The following RASGRF2 variants were observed in gnomAD, a reference collection of about 807,000 sequenced individuals.
The protein encoded by RASGRF2 is ras-specific guanine nucleotide-releasing factor 2.
RASGRF2 carries 76 observed loss-of-function variants against 151.0 expected under a neutral mutation model. The ratio of observed to expected loss-of-function variants is 0.50; its 90% CI spans 0.42 to 0.61. RASGRF2 has a LOEUF of 0.61. Ranked by LOEUF, RASGRF2 falls within the 20% of genes least tolerant of loss-of-function variation. The pLI is 0.00. For missense variants in RASGRF2, 1,148 were observed against 1,564.6 expected (o/e 0.73, Z 4.49); for synonymous variants, 504 against 566.5 (o/e 0.89, Z 1.57).
At chr5:81,077,089 GA>G (rs1177437822) in intron 5 of RASGRF2, among the ~76,000 whole-genome samples, 1 of 152,198 alleles carries the variant, frequency 6.6e-6, no homozygotes, top group Non-Finnish European at 1.5e-5. Flanking sequence ...GTGCTGGTAT[GA>G]GAGGTTTTTG....
chr5:81,077,019 T>C (rs896427583), intron 5 of RASGRF2, among the ~76,000 whole-genome samples: 2 of 152,136 alleles, frequency 1.3e-5, no homozygotes, highest in East Asian at 1.9e-4. Flanking sequence ...AAGTTGAAGC[T>C]GTATACAAGG....
chr5:80,982,400 C>T (rs1748330623), intron 1 of RASGRF2, among the ~76,000 whole-genome samples: 1 of 151,596 alleles, frequency 6.6e-6, no homozygotes, highest in Admixed American at 6.6e-5. Flanking sequence ...GTTACAGGAA[C>T]ATCTGAAATC....
chr5:80,960,967 C>A lies in RASGRF2; in HGVS notation c.229C>A (p.Pro77Thr). ...GGAGGGCTGCAGCTGCGAACGAACG[C>A]CCGCGCCACCCAGGGCCGGCGCCGG... ...LLEGCSCERT[P>T]APPRAGAGQG... Residue 77 changes from proline to threonine, a missense_variant, in exon 1 of 27, where the codon CCC becomes ACC. By Grantham distance (38) the Pro-to-Thr change is conservative. This residue lies in a region of RASGRF2 where 221 missense variants were observed against 271.3 expected (regional missense o/e 0.81). Transcript: ENST00000265080. This position sits in a 1 kb window ranked among gnomAD's most constrained non-coding sequence, Gnocchi z 5.5. The A allele has an allele frequency of 6.4e-7, 1 of 1,562,704 alleles. No homozygotes were observed. The highest frequency in any genetic ancestry group is 8.7e-7 in the Non-Finnish European group (1 of 1,145,812).
intron 1 of RASGRF2, among the ~76,000 whole-genome samples, chr5:80,978,160 G>T (rs1202064806): frequency 1.3e-5 from 2 of 152,048 alleles, no homozygotes; most frequent in Admixed American, 1.3e-4. Context: ...GAAATACATA[G>T]CTAAATTGAT....
At chr5:81,020,060 A>AT (rs1009445375) in intron 1 of RASGRF2, among the ~76,000 whole-genome samples, 1 of 152,262 alleles carries the variant, frequency 6.6e-6, no homozygotes, top group East Asian at 1.9e-4. Context: ...ACACATTATA[A>AT]TAAAAACCAG....
At chr5:81,197,184 C>T (rs373246170) in intron 18 of RASGRF2, among the ~76,000 whole-genome samples, 32 of 152,066 alleles carry the variant, frequency 2.1e-4, no homozygotes, top group Non-Finnish European at 3.8e-4. Context: ...TGGCCGGGCG[C>T]GGTGGCTCAC....
chr5:80,983,341 GC>G (rs1248526943), intron 1 of RASGRF2, among the ~76,000 whole-genome samples: 4 of 152,218 alleles, frequency 2.6e-5, no homozygotes, highest in African/African-American at 7.2e-5. Context: ...CTCGTCCCTT[GC>G]AGCCACCTGC....
At position 81,019,217 on chromosome 5, in the gene RASGRF2, A is replaced by G. The variant is rs566215591; in HGVS notation, c.289-23660A>G. On this transcript the variant is annotated intron_variant, in intron 1 of 26. Coordinates refer to ENST00000265080, the MANE Select transcript of RASGRF2 (RefSeq NM_006909.3). ...GGACTTCAGAGGACCACTCAATAGC[A>G]TTATTCAAATTTCTGGGGAGTAGGA... 2.0e-3 allele frequency among the ~76,000 whole-genome samples: 300 copies of G among 150,858 alleles called. 2 individuals are homozygous for G. The highest frequency in any genetic ancestry group is 7.0e-3 in the African/African-American group (289 of 41,140).
chr5:81,056,911 T>C (rs1047253524), intron 2 of RASGRF2, among the ~76,000 whole-genome samples: 3 of 152,150 alleles, frequency 2.0e-5, no homozygotes, highest in Admixed American at 2.0e-4. Flanking sequence ...TTGATCTTTG[T>C]TGGTTTAAAG....
intron 17 of RASGRF2, among the ~76,000 whole-genome samples, chr5:81,174,015 C>A (rs555625939): frequency 6.6e-6 from 1 of 152,074 alleles, no homozygotes; most frequent in East Asian, 1.9e-4. Context: ...AAGAATATCT[C>A]GGAGACAATA....
chr5:81,120,652 A>G (rs917744320), intron 15 of RASGRF2, among the ~76,000 whole-genome samples: 1 of 152,204 alleles, frequency 6.6e-6, no homozygotes, highest in Non-Finnish European at 1.5e-5. Context: ...GAGAAAAGGA[A>G]TAAGTTGTGT....
chr5:81,169,485 GT>G (rs754354730), intron 17 of RASGRF2, among the ~76,000 whole-genome samples: 7 of 152,250 alleles, frequency 4.6e-5, no homozygotes, highest in Non-Finnish European at 8.8e-5. Flanking sequence ...TCCCCAGCTG[GT>G]GGCATCATGA....
intron 1 of RASGRF2, among the ~76,000 whole-genome samples, chr5:80,984,474 TA>T (rs1401359417): frequency 1.3e-5 from 2 of 152,258 alleles, no homozygotes; most frequent in African/African-American, 4.8e-5. Context: ...TACTTTTAAA[TA>T]AAGATTATAC....
chr5:81,153,167 C>A (rs778828826), intron 17 of RASGRF2, among the ~76,000 whole-genome samples: 1 of 152,170 alleles, frequency 6.6e-6, no homozygotes, highest in Admixed American at 6.5e-5. Flanking sequence ...AGTAAAGATA[C>A]CAGCATTGTA....
intron 22 of RASGRF2, among the ~76,000 whole-genome samples, chr5:81,211,977 GC>G (rs1048987255): frequency 1.3e-5 from 2 of 152,150 alleles, no homozygotes; most frequent in Non-Finnish European, 2.9e-5. Flanking sequence ...ACTGTTGGGG[GC>G]CAAGGAGTAA....
chr5:81,219,434 G>A (rs1755811996), intron 25 of RASGRF2, among the ~76,000 whole-genome samples: 1 of 152,132 alleles, frequency 6.6e-6, no homozygotes, highest in African/African-American at 2.4e-5. Context: ...ACGGATGACA[G>A]CACCCAGAGC....
At chr5:81,003,052 A>G (rs548159272) in intron 1 of RASGRF2, among the ~76,000 whole-genome samples, 6 of 150,294 alleles carry the variant, frequency 4.0e-5, no homozygotes, top group African/African-American at 1.5e-4. Flanking sequence ...TAATATCACA[A>G]AGAGACTATT....
At chr5:81,022,318 T>C (rs1034300183) in intron 1 of RASGRF2, among the ~76,000 whole-genome samples, 3 of 152,160 alleles carry the variant, frequency 2.0e-5, no homozygotes, top group Admixed American at 6.5e-5. Flanking sequence ...CACAGGATAG[T>C]TGGGAGCGTC....
intron 1 of RASGRF2, among the ~76,000 whole-genome samples, chr5:80,969,583 G>T (rs1747847635): frequency 6.6e-6 from 1 of 151,136 alleles, no homozygotes; most frequent in African/African-American, 2.4e-5. Flanking sequence ...CAAGTAGCTG[G>T]GACTACAGGC....
Sources: allele counts gnomAD v4.1 joint callset (sites outside exome capture counted in the v4.1 genomes callset), GRCh38; gene constraint gnomAD v4.1.1; regional missense constraint gnomAD v4.1.1; non-coding constraint Gnocchi (gnomAD v3.1); transcripts MANE v1.5; gene names NCBI Gene and HGNC (gene_info 2026-07-23, HGNC 2026-07-21).